SLC8A1: variants seen among roughly 807,000 people sequenced by gnomAD.
SLC8A1 encodes the protein sodium/calcium exchanger 1.
In SLC8A1, 18 loss-of-function variants were observed where a neutral mutation model predicts 68.3. The observed-to-expected ratio is 0.26, with a 90% CI of 0.18 to 0.39. The LOEUF is 0.39. Among genes scored for constraint, SLC8A1 ranks in the 10% least tolerant of loss-of-function variants. The pLI is 1.00. For missense variants in SLC8A1, 985 were observed against 1,156.7 expected, an observed-to-expected ratio of 0.85 and a Z score of 2.15; for synonymous variants, 475 against 415.5, an observed-to-expected ratio of 1.14 and a Z score of -1.74.
At chr2:40,160,819 C>A in exon 6 of SLC8A1, 1 of 1,613,258 alleles carries the variant, frequency 6.2e-7, no homozygotes, top group Non-Finnish European at 8.5e-7. Flanking sequence ...TTAGTCCCAA[C>A]CACAAGGGCC....
At chr2:40,227,549 T>C (rs2059140788) in intron 2 of SLC8A1, among the ~76,000 whole-genome samples, 1 of 151,852 alleles carries the variant, frequency 6.6e-6, no homozygotes, top group Non-Finnish European at 1.5e-5. Context: ...AAACAACACA[T>C]ACTGGGGTCT....
At chr2:40,405,799 T>C (rs1423289578) in intron 2 of SLC8A1, among the ~76,000 whole-genome samples, 2 of 152,176 alleles carry the variant, frequency 1.3e-5, no homozygotes, top group South Asian at 4.1e-4. Flanking sequence ...TTCCGGGCAA[T>C]CCATGCAACA....
At chr2:40,194,519 A>G (rs2052574456) in intron 2 of SLC8A1, among the ~76,000 whole-genome samples, 2 of 149,316 alleles carry the variant, frequency 1.3e-5, no homozygotes, top group Admixed American at 6.7e-5. Context: ...GCGCGCAAAG[A>G]AAACGAGAGG....
At chr2:40,113,607 G>C (rs1382080902) in exon 8 of SLC8A1, 1 of 152,600 alleles carries the variant, frequency 6.6e-6, no homozygotes, top group East Asian at 1.9e-4. Flanking sequence ...AAGAGGACTA[G>C]ACTGGACAGT....
chr2:40,371,059 C>T (rs1677874243), intron 2 of SLC8A1, among the ~76,000 whole-genome samples: 1 of 152,032 alleles, frequency 6.6e-6, no homozygotes, highest in South Asian at 2.1e-4. Context: ...GGTTTTGCTA[C>T]ATGGGGACAA....
At chr2:40,263,126 C>A (rs1448734728) in intron 2 of SLC8A1, among the ~76,000 whole-genome samples, 1 of 152,180 alleles carries the variant, frequency 6.6e-6, no homozygotes, top group Non-Finnish European at 1.5e-5. Flanking sequence ...ATGGGCTGAG[C>A]AGTCAGCTGA....
chr2:40,110,979 A>T (rs1181986241), exon 8 of SLC8A1: 2 of 152,164 alleles, frequency 1.3e-5, no homozygotes, highest in Non-Finnish European at 2.9e-5. Flanking sequence ...TGGAATCACC[A>T]ATGAATCAAG....
chr2:40,306,581 T>C (rs7601140), intron 2 of SLC8A1, among the ~76,000 whole-genome samples: 2,453 of 152,292 alleles, frequency 0.016, 71 homozygotes, highest in African/African-American at 0.056. Flanking sequence ...TGGAAATATA[T>C]ACCAACTGGA....
At chr2:40,375,055 C>T (rs779074839) in intron 2 of SLC8A1, among the ~76,000 whole-genome samples, 2 of 151,916 alleles carry the variant, frequency 1.3e-5, no homozygotes, top group Admixed American at 6.6e-5. Flanking sequence ...TTTAATCAGT[C>T]GGGAGAACAG....
At chr2:40,231,542 C>G (rs188365723) in intron 2 of SLC8A1, among the ~76,000 whole-genome samples, 1 of 152,144 alleles carries the variant, frequency 6.6e-6, no homozygotes, top group Admixed American at 6.5e-5. Flanking sequence ...TCATTCTTGT[C>G]TTCCAGAACT....
At chr2:40,257,879 A>T (rs1350797131) in intron 2 of SLC8A1, among the ~76,000 whole-genome samples, 1 of 152,170 alleles carries the variant, frequency 6.6e-6, no homozygotes, top group Non-Finnish European at 1.5e-5. Flanking sequence ...GGACTGCAAG[A>T]TTAATAAAGC....
chr2:40,432,427 G>GTGTGTGTGTGTT (rs1698546232), intron 1 of SLC8A1, among the ~76,000 whole-genome samples: 1 of 146,318 alleles, frequency 6.8e-6, no homozygotes, highest in South Asian at 2.3e-4. Context: ...GTGTGTGTAT[G>GTGTGTGTGTGTT]TGTCAGTGTG....
chr2:40,440,944 G>C (rs965549933), intron 1 of SLC8A1, among the ~76,000 whole-genome samples: 1 of 151,638 alleles, frequency 6.6e-6, no homozygotes, highest in Non-Finnish European at 1.5e-5. Context: ...TCAGGCAAGA[G>C]AAAGAAAAAA....
chr2:40,213,138 A>G (rs2056901942), intron 2 of SLC8A1: 1 of 152,228 alleles, frequency 6.6e-6, no homozygotes, highest in Admixed American at 6.5e-5. Context: ...TGACTTCAGA[A>G]ATGATCACAC....
chr2:40,115,632 G>T lies in SLC8A1; in HGVS notation c.2438-3C>A. Reference sequence around the variant, plus strand: ...TGCCACTTTGCTGGCAAATGTGTCTGCAGAGGAAGAAGAGAAAGTCAATGA... The same window carrying T: ...TGCCACTTTGCTGGCAAATGTGTCTTCAGAGGAAGAAGAGAAAGTCAATGA... On this transcript the variant is annotated splice_polypyrimidine_tract_variant and splice_region_variant and intron_variant, in intron 7 of 7. Transcript: ENST00000406785. The T allele has an allele frequency of 6.2e-7, 1 of 1,603,474 alleles. No homozygotes were observed. The highest frequency in any genetic ancestry group is 8.5e-7 in the Non-Finnish European group (1 of 1,177,718).
intron 6 of SLC8A1, among the ~76,000 whole-genome samples, chr2:40,146,314 C>G (rs571503970): frequency 1.3e-5 from 2 of 152,288 alleles, no homozygotes; most frequent in African/African-American, 2.4e-5. Context: ...CGAATGGTTA[C>G]TTGTGCCACT....
At chr2:40,175,881 A>G (rs1049384719) in intron 3 of SLC8A1, 17 of 365,194 alleles carry the variant, frequency 4.7e-5, no homozygotes, top group Non-Finnish European at 8.2e-5. Context: ...GTCCACCAAG[A>G]ATTGCTTATG....
chr2:40,391,623 C>T (rs1296108579), intron 2 of SLC8A1, among the ~76,000 whole-genome samples: 1 of 151,998 alleles, frequency 6.6e-6, no homozygotes, highest in Admixed American at 6.6e-5. Context: ...GTCTTTACTT[C>T]AAAGTCTTCT....
At chr2:40,125,497 G>T (rs1252273268) in intron 7 of SLC8A1, among the ~76,000 whole-genome samples, 1 of 152,138 alleles carries the variant, frequency 6.6e-6, no homozygotes, top group Non-Finnish European at 1.5e-5. Context: ...CTCGTGTTAA[G>T]CATTGAAGAA....
Sources: gnomAD v4.1 joint callset for allele counts (sites outside exome capture counted in the v4.1 genomes callset) on GRCh38, gnomAD v4.1.1 for gene constraint, MANE v1.5 for transcripts, NCBI Gene and HGNC (gene_info 2026-07-23, HGNC 2026-07-21) for gene names.